ZNF254: variants seen among roughly 807,000 people sequenced by gnomAD.
ZNF254 encodes the protein zinc finger protein 254, also known as CTD-2017D11.1.
ZNF254 carries 10 observed loss-of-function variants against 12.4 expected under a neutral mutation model. The ratio of observed to expected loss-of-function variants is 0.80; its 90% CI spans 0.50 to 1.36. The LOEUF (loss-of-function observed/expected upper bound fraction) is 1.36, where lower values mean the gene tolerates loss of function less well. ZNF254 is among the 40% of genes most tolerant of loss of function. ZNF254 has a pLI of 0.00. For synonymous variants in ZNF254, 305 were observed against 253.4 expected, an observed-to-expected ratio of 1.20 and a Z score of -1.93; for missense variants, 996 against 763.9, an observed-to-expected ratio of 1.30 and a Z score of -3.58.
At chr19:24,081,567 C>G (rs550442269) in intron 2 of ZNF254, among the ~76,000 whole-genome samples, 1 of 152,218 alleles carries the variant, frequency 6.6e-6, no homozygotes, top group African/African-American at 2.4e-5. Flanking sequence ...AAAATAATTA[C>G]TTAAAAGAGT....
intron 1 of ZNF254, among the ~76,000 whole-genome samples, chr19:24,039,470 G>C (rs1448289688): frequency 6.6e-6 from 1 of 152,042 alleles, no homozygotes; most frequent in Non-Finnish European, 1.5e-5. Flanking sequence ...CTGTTGCCAG[G>C]CTGGAGTGCA....
At chr19:24,106,895 A>G (rs1275723896) in intron 3 of ZNF254, 1 of 419,800 alleles carries the variant, frequency 2.4e-6, no homozygotes, top group South Asian at 3.8e-5. Context: ...TTCATGGCAT[A>G]CAAAAGAGTG....
intron 2 of ZNF254, among the ~76,000 whole-genome samples, chr19:24,069,028 A>G (rs778824472): frequency 2.0e-5 from 3 of 151,956 alleles, no homozygotes; most frequent in Non-Finnish European, 4.4e-5. Flanking sequence ...TTTCTTGGAG[A>G]TGGAGTCTCA....
At chr19:24,115,275 C>G (rs1973966564) in intron 3 of ZNF254, among the ~76,000 whole-genome samples, 2 of 152,082 alleles carry the variant, frequency 1.3e-5, no homozygotes, top group South Asian at 4.1e-4. Flanking sequence ...GGAACCAACC[C>G]AAATGTCCAA....
intron 1 of ZNF254, among the ~76,000 whole-genome samples, chr19:24,045,354 C>T (rs1326187646): frequency 6.6e-6 from 1 of 152,082 alleles, no homozygotes. Flanking sequence ...AGGCTCCCCC[C>T]TCCCCTTGTA....
chr19:24,107,615 AT>A (rs1367967750), intron 3 of ZNF254, among the ~76,000 whole-genome samples: 8 of 152,278 alleles, frequency 5.3e-5, no homozygotes, highest in African/African-American at 1.9e-4. Flanking sequence ...TGATTACATG[AT>A]CTACAAACAG....
At chr19:24,095,051 TA>T (rs1972596350) in intron 1 of ZNF254, among the ~76,000 whole-genome samples, 1 of 152,228 alleles carries the variant, frequency 6.6e-6, no homozygotes, top group African/African-American at 2.4e-5. Context: ...CTTATTATTT[TA>T]AAGTATGTAC....
At chr19:24,047,200 TTTTG>T (rs1970424044) in intron 2 of ZNF254, among the ~76,000 whole-genome samples, 1 of 151,912 alleles carries the variant, frequency 6.6e-6, no homozygotes, top group Admixed American at 6.6e-5. Flanking sequence ...TTTTCTCCCT[TTTTG>T]TCTCTCTCTT....
At chr19:24,122,781 CCT>C (rs1318479636) in intron 3 of ZNF254, among the ~76,000 whole-genome samples, 2 of 152,174 alleles carry the variant, frequency 1.3e-5, no homozygotes, top group Non-Finnish European at 1.5e-5. Flanking sequence ...CTTGCTTTTA[CCT>C]ATTGGCTTAC....
chr19:24,118,252 C>G (rs550453983), intron 3 of ZNF254, among the ~76,000 whole-genome samples: 4 of 151,954 alleles, frequency 2.6e-5, no homozygotes, highest in Admixed American at 1.3e-4. Flanking sequence ...TGGGGTTTCA[C>G]CATGTTGATC....
intron 2 of ZNF254, among the ~76,000 whole-genome samples, chr19:24,055,366 A>G (rs75544805): frequency 0.15 from 22,355 of 150,896 alleles, 1,907 homozygotes; most frequent in Middle Eastern, 0.23. Flanking sequence ...TGCAATCTCC[A>G]CCTCCGGGTT....
intron 2 of ZNF254, among the ~76,000 whole-genome samples, chr19:24,059,055 C>T (rs1231086149): frequency 1.3e-5 from 2 of 152,240 alleles, no homozygotes; most frequent in African/African-American, 2.4e-5. Flanking sequence ...TTGTAACATA[C>T]CGCTGGGCCC....
intron 1 of ZNF254, among the ~76,000 whole-genome samples, chr19:24,038,809 C>T (rs80169432): frequency 0.16 from 24,239 of 152,130 alleles, 2,076 homozygotes; most frequent in Middle Eastern, 0.23. Flanking sequence ...AAAATTACTA[C>T]AGGGCAACAA....
intron 2 of ZNF254, among the ~76,000 whole-genome samples, chr19:24,057,630 A>T (rs10402585): frequency 6.6e-6 from 1 of 152,172 alleles, no homozygotes; most frequent in Admixed American, 6.5e-5. Flanking sequence ...AATACAATCC[A>T]CTGGATGTTC....
chr19:24,089,895 AAAAC>A (rs1972262274), intron 1 of ZNF254, among the ~76,000 whole-genome samples: 1 of 151,980 alleles, frequency 6.6e-6, no homozygotes, highest in Non-Finnish European at 1.5e-5. Flanking sequence ...AAAACAAAAC[AAAAC>A]AAAAACGAGG....
At chr19:24,033,460 T>G in exon 1 of ZNF254, 1 of 178,864 alleles carries the variant, frequency 5.6e-6, no homozygotes, top group Non-Finnish European at 1.2e-5. Flanking sequence ...GCTGGGCCTT[T>G]GTCTCTCGCT....
Position 24,126,207 on chromosome 19 carries a change from T to C in ZNF254, c.254-47T>C, listed in dbSNP as rs1191924711. 3 of 1,258,462 alleles carry C rather than the reference T, an allele frequency of 2.4e-6. No homozygotes were observed. In the African/African-American group the frequency reaches 4.6e-5, roughly 19 times the overall value. 78.0% of individuals were successfully genotyped at this position (1,258,462 alleles called of 1,614,324 possible). ...GTAAGATTTTTAAACTATATTCATGTGAGTCTAGTAAGTGGAGTAATTTAT... is the reference window on the plus strand; with the variant it reads ...GTAAGATTTTTAAACTATATTCATGCGAGTCTAGTAAGTGGAGTAATTTAT... On this transcript the variant is annotated intron_variant, in intron 3 of 3. Coordinates refer to ENST00000357002, the MANE Select transcript of ZNF254 (RefSeq NM_203282.4).
intron 2 of ZNF254, among the ~76,000 whole-genome samples, chr19:24,054,993 G>C (rs1246499105): frequency 1.3e-5 from 2 of 151,718 alleles, no homozygotes; most frequent in Non-Finnish European, 2.9e-5. Flanking sequence ...ACGAGGTCAG[G>C]AGTTCAAGAC....
chr19:24,098,588 C>T (rs1599703269), intron 1 of ZNF254: 1 of 152,316 alleles, frequency 6.6e-6, no homozygotes, highest in South Asian at 2.1e-4. Flanking sequence ...TAGCTATGCA[C>T]TTTGGGTATT....
Sources: allele counts gnomAD v4.1 joint callset (sites outside exome capture counted in the v4.1 genomes callset), GRCh38; gene constraint gnomAD v4.1.1; transcripts MANE v1.5; gene names NCBI Gene and HGNC (gene_info 2026-07-23, HGNC 2026-07-21).